CTBP2: variants seen among roughly 807,000 people sequenced by gnomAD.
CTBP2 encodes C-terminal binding protein 2.
In CTBP2, 30 loss-of-function variants were observed where a neutral mutation model predicts 80.3. The ratio of observed to expected loss-of-function variants is 0.37; its 90% confidence interval spans 0.28 to 0.51. CTBP2 has a LOEUF of 0.51. CTBP2 is among the 20% of genes least tolerant of loss of function. The probability of loss-of-function intolerance (pLI) is 0.93; values close to 1 mark genes in which losing one functional copy is unlikely to be tolerated. For synonymous variants in CTBP2, 594 were observed against 587.4 expected (o/e 1.01, Z -0.16); for missense variants, 1,212 against 1,375.3 (o/e 0.88, Z 1.88).
chr10:125,073,322 C>T (rs569820065), intron 2 of CTBP2, among the ~76,000 whole-genome samples: 18 of 152,202 alleles, frequency 1.2e-4, no homozygotes, highest in African/African-American at 3.6e-4. Flanking sequence ...CGCAGCCTCC[C>T]GAGTTCAATT....
rs1281939528 is a variant in CTBP2 at position 125,025,763 on chromosome 10, T to A, written c.1678+319A>T. Among the ~76,000 whole-genome samples the A allele has an allele frequency of 3.3e-5, 5 of 152,352 alleles. 1 individual carries two copies. The South Asian group carries it at 8.3e-4, about 25-fold the overall frequency. ...CTCGTGAGCTCAAGGCTGCAGTCTG[T>A]TCTGAGTGACTTGCGACTTTCTCCA... On this transcript the variant is annotated intron_variant, in intron 1 of 8. Transcript: ENST00000309035.
intron 1 of CTBP2, among the ~76,000 whole-genome samples, chr10:125,143,606 C>CT (rs1436628960): frequency 6.6e-6 from 1 of 152,164 alleles, no homozygotes; most frequent in African/African-American, 2.4e-5. Context: ...TTCTAAATCT[C>CT]TAAAAGGTAG....
At chr10:125,009,593 A>G (rs1373309403) in intron 1 of CTBP2, among the ~76,000 whole-genome samples, 2 of 152,214 alleles carry the variant, frequency 1.3e-5, no homozygotes. Flanking sequence ...GGCTGAGCTC[A>G]GCAGACCTGA....
At chr10:125,037,747 T>G (rs929299953) in intron 3 of CTBP2, among the ~76,000 whole-genome samples, 3 of 152,204 alleles carry the variant, frequency 2.0e-5, no homozygotes, top group African/African-American at 7.2e-5. Context: ...TGGGGTTCAT[T>G]CCGGTACTGG....
intron 3 of CTBP2, chr10:124,998,494 C>T (rs903000185): frequency 5.4e-5 from 21 of 389,650 alleles, no homozygotes; most frequent in South Asian, 2.0e-4. Flanking sequence ...AGAAAGGACC[C>T]GGAGTGGCAG....
intron 2 of CTBP2, among the ~76,000 whole-genome samples, chr10:125,045,573 A>T (rs943208897): frequency 2.2e-4 from 33 of 151,972 alleles, no homozygotes; most frequent in African/African-American, 7.5e-4. Context: ...ATCTCAGCTG[A>T]CTGCAACCTC....
chr10:125,048,813 T>C (rs1481867154), intron 2 of CTBP2, among the ~76,000 whole-genome samples: 1 of 152,148 alleles, frequency 6.6e-6, no homozygotes, highest in African/African-American at 2.4e-5. Flanking sequence ...GGCTTTCCAT[T>C]ACAAATGACA....
chr10:125,054,880 G>A (rs1328382691), intron 2 of CTBP2, among the ~76,000 whole-genome samples: 3 of 152,118 alleles, frequency 2.0e-5, no homozygotes, highest in East Asian at 3.9e-4. Flanking sequence ...TGGGGTAAAC[G>A]CTATTCTCCT....
intron 2 of CTBP2, among the ~76,000 whole-genome samples, chr10:125,071,928 C>T (rs916034669): frequency 6.6e-6 from 1 of 152,076 alleles, no homozygotes; most frequent in African/African-American, 2.4e-5. Flanking sequence ...GTCAGCTGCC[C>T]GCAGGGTACT....
chr10:125,107,987 T>G (rs1851710267), intron 2 of CTBP2, among the ~76,000 whole-genome samples: 1 of 152,250 alleles, frequency 6.6e-6, no homozygotes, highest in Non-Finnish European at 1.5e-5. Context: ...AATTGGGTAC[T>G]GCTGCAAATA....
At chr10:125,023,417 C>T (rs902659725) in intron 1 of CTBP2, among the ~76,000 whole-genome samples, 3 of 152,210 alleles carry the variant, frequency 2.0e-5, no homozygotes, top group Non-Finnish European at 2.9e-5. Flanking sequence ...TTCTGATGAT[C>T]CCTGCTGCAT....
intron 2 of CTBP2, among the ~76,000 whole-genome samples, chr10:125,067,548 C>T (rs1844835139): frequency 6.6e-6 from 1 of 152,170 alleles, no homozygotes; most frequent in African/African-American, 2.4e-5. Flanking sequence ...TAAAAATATC[C>T]ATTTAGAAGG....
intron 1 of CTBP2, among the ~76,000 whole-genome samples, chr10:125,112,280 T>C (rs1852418183): frequency 6.6e-6 from 1 of 151,400 alleles, no homozygotes; most frequent in African/African-American, 2.4e-5. Flanking sequence ...ACCTGGCTAA[T>C]TTTTGTATTT....
At chr10:125,003,166 G>T in intron 2 of CTBP2, 62 bp from the exon 5 acceptor site, 1 of 1,607,490 alleles carries the variant, frequency 6.2e-7, no homozygotes, top group East Asian at 2.2e-5. Context: ...GCACCACTTG[G>T]CCTGGCCCCC....
At chr10:125,090,266 C>T (rs543820345) in intron 2 of CTBP2, among the ~76,000 whole-genome samples, 44 of 121,782 alleles carry the variant, frequency 3.6e-4, no homozygotes, top group Non-Finnish European at 5.3e-4. Context: ...ACAGTCTGGG[C>T]GACAGAGAGT....
intron 1 of CTBP2, among the ~76,000 whole-genome samples, chr10:125,010,959 T>C (rs1230604615): frequency 6.6e-6 from 1 of 152,214 alleles, no homozygotes; most frequent in Non-Finnish European, 1.5e-5. Flanking sequence ...AACGCCAGGA[T>C]CTTAATCTTC....
chr10:125,112,168 A>C (rs1451161040), intron 1 of CTBP2, among the ~76,000 whole-genome samples: 3 of 147,012 alleles, frequency 2.0e-5, no homozygotes, highest in African/African-American at 7.7e-5. Context: ...GCTGGAGTGC[A>C]ATGGCGCGAT....
At chr10:124,992,930 A>G in intron 7 of CTBP2, 118 bp from the exon 10 acceptor site, 2 of 918,790 alleles carry the variant, frequency 2.2e-6, no homozygotes, top group East Asian at 2.6e-5. Context: ...AGAACATCCA[A>G]AGGCCCAAGT....
At chr10:125,126,924 T>TTCTCTC (rs67378138) in intron 1 of CTBP2, among the ~76,000 whole-genome samples, 10,610 of 138,544 alleles carry the variant, frequency 0.077, 500 homozygotes, top group Middle Eastern at 0.13. Context: ...CACACACACA[T>TTCTCTC]TCTCTCTCTC....
Sources: gnomAD v4.1 joint callset for allele counts (sites outside exome capture counted in the v4.1 genomes callset) on GRCh38, gnomAD v4.1.1 for gene constraint, MANE v1.5 for transcripts, NCBI Gene and HGNC (gene_info 2026-07-23, HGNC 2026-07-21) for gene names.